ASB17: variants seen among roughly 807,000 people sequenced by gnomAD.
The protein encoded by ASB17 is ankyrin repeat and SOCS box containing 17, also known as ankyrin repeat and SOCS box protein 17.
Under a neutral mutation model 25.7 loss-of-function variants are expected in ASB17, and 26 were observed. The ratio of observed to expected loss-of-function variants is 1.01; its 90% CI spans 0.74 to 1.40. The LOEUF (loss-of-function observed/expected upper bound fraction) is 1.40, where lower values mean the gene tolerates loss of function less well. ASB17 is among the 40% of genes most tolerant of loss of function. The pLI, the probability that ASB17 is intolerant of heterozygous loss-of-function variation, is 0.00. For synonymous variants in ASB17, 128 were observed against 121.4 expected (o/e 1.05, Z -0.36); for missense variants, 326 against 338.5 (o/e 0.96, Z 0.29).
At chr1:75,921,932 C>T in intron 2 of ASB17, 148 bp downstream of exon 2, 4 of 642,482 alleles carry the variant, frequency 6.2e-6, no homozygotes, top group Non-Finnish European at 1.0e-5. Flanking sequence ...TGAGATTTTC[C>T]CTATTATTTT....
At position 75,919,201 on chromosome 1, in the gene ASB17, T is replaced by C. The variant is rs767007550; in HGVS notation, c.682-43A>G. ...ATTTTACTTTTGTAATGTTTTGTAA[T>C]TTGGATTAGTCCAAATTATTAAAAC... On this transcript the variant is annotated intron_variant, in intron 2 of 2. Transcript: ENST00000284142. The C allele has an allele frequency of 1.8e-5, 24 of 1,355,778 alleles. 1 individual carries two copies. In the South Asian group the frequency reaches 3.1e-4, roughly 17 times the overall value. The allele number at this position is 1,355,778 out of a possible 1,614,324, so 84.0% of individuals were successfully genotyped here. A position where few individuals can be genotyped will look rare whatever the true frequency, so the allele number is the denominator to read the frequency against.
rs114440481 is a variant in ASB17 at position 75,924,754 on chromosome 1, C to T, written c.402-2395G>A. On this transcript the variant is annotated intron_variant, in intron 1 of 2. Transcript: ENST00000284142. ...ATTGGTATGCAGTTTCCCAAACCAC[C>T]ACTGCATCCAGGTCTTTCACATTTC... is the stretch of plus-strand genomic sequence containing the variant. Among the ~76,000 whole-genome samples the T allele has an allele frequency of 1.5e-3, 234 of 152,038 alleles. 2 individuals are homozygous for T. Among genetic ancestry groups the T allele is most frequent in the South Asian group, 9.8e-3 (47 of 4,802 alleles).
intron 1 of ASB17, among the ~76,000 whole-genome samples, chr1:75,926,813 C>G (rs11161902): frequency 0.22 from 33,575 of 152,104 alleles, 4,358 homozygotes; most frequent in Middle Eastern, 0.35. Context: ...TTGCACATCT[C>G]TACCTCGATA....
intron 2 of ASB17, among the ~76,000 whole-genome samples, chr1:75,920,841 C>A (rs1323084326): frequency 4.6e-5 from 7 of 152,070 alleles, no homozygotes; most frequent in Non-Finnish European, 1.0e-4. Flanking sequence ...GTGGTGCGAT[C>A]TCTGCTCACT....
chr1:75,919,731 G>T (rs1348771457), intron 2 of ASB17, among the ~76,000 whole-genome samples: 1 of 152,046 alleles, frequency 6.6e-6, no homozygotes, highest in African/African-American at 2.4e-5. Flanking sequence ...CTTTTTTATG[G>T]CTGCATAGTA....
At chr1:75,920,503 C>G (rs1652997531) in intron 2 of ASB17, among the ~76,000 whole-genome samples, 2 of 152,154 alleles carry the variant, frequency 1.3e-5, no homozygotes, top group South Asian at 4.1e-4. Flanking sequence ...TTACAAGACT[C>G]ACGGTGTAGA....
intron 2 of ASB17, among the ~76,000 whole-genome samples, chr1:75,920,368 T>G (rs181257768): frequency 2.0e-5 from 3 of 152,350 alleles, no homozygotes; most frequent in Admixed American, 2.0e-4. Context: ...TACTATTGTT[T>G]ATCTATTACT....
At chr1:75,929,974 G>A (rs530974110) in intron 1 of ASB17, among the ~76,000 whole-genome samples, 2 of 148,166 alleles carry the variant, frequency 1.3e-5, no homozygotes, top group African/African-American at 2.5e-5. Flanking sequence ...TGGCAGAGAG[G>A]GGGGGTGAGT....
intron 1 of ASB17, among the ~76,000 whole-genome samples, chr1:75,929,012 G>A (rs1280137430): frequency 6.6e-6 from 1 of 152,126 alleles, no homozygotes; most frequent in East Asian, 1.9e-4. Context: ...CCTAGCTGAT[G>A]AGGAGGAAGG....
intron 1 of ASB17, among the ~76,000 whole-genome samples, chr1:75,922,904 A>C (rs2131557): frequency 0.67 from 102,593 of 152,100 alleles, 35,495 homozygotes; most frequent in East Asian, 0.97. Flanking sequence ...TAAAAATAAA[A>C]AAAAACAATT....
Position 75,930,367 on chromosome 1 carries a change from T to C in ASB17, c.401+1524A>G, listed in dbSNP as rs1256842038. ...ATATGTAAATATAAATATAAATATATATATATATATAACACTAGGAAAAAC... is the reference window on the plus strand; with the variant it reads ...ATATGTAAATATAAATATAAATATACATATATATATAACACTAGGAAAAAC... On this transcript the variant is annotated intron_variant, in intron 1 of 2. Transcript: ENST00000284142. 4.8e-5 allele frequency among the ~76,000 whole-genome samples: 7 copies of C among 147,332 alleles called. No homozygotes were observed. The East Asian group carries it at 1.4e-3, about 29-fold the overall frequency.
In ASB17 at chr1:75,922,195, G is replaced by A; in HGVS notation, c.566C>T (p.Pro189Leu). 1 of 1,613,654 alleles carries A rather than the reference G, an allele frequency of 6.2e-7. No homozygotes were observed. Among genetic ancestry groups the A allele is most frequent in the Non-Finnish European group, 8.5e-7 (1 of 1,179,682 alleles). ...ATCAACCATTACTCTTACTCTCGAA[G>A]GGTAGAGTACTATTGTTAAGACAAT... ...INIVLTIVLY[P>L]SRVRVMVDRE... The change falls in exon 2 of 3, where the codon CCT (proline) becomes CTT (leucine). Residue 189 changes from proline (P) to leucine (L), a missense_variant. Pro to Leu is a moderately conservative substitution (Grantham distance 98). Coordinates refer to ENST00000284142, the MANE Select transcript of ASB17 (RefSeq NM_080868.3).
Position 75,932,195 on chromosome 1 carries a change from G to C in ASB17, c.97C>G (p.Gln33Glu). The stretch of plus-strand genomic sequence containing the variant: ...TGATATCCCCACTGACCCAAAAACT[G>C]TAGGGAGGGTCTTTTAACAATTTTG... ...LDKIVKRPSL[Q>E]FLGQWGYHCY... The change falls in exon 1 of 3, where the codon CAG (glutamine) becomes GAG (glutamate). Residue 33 changes from glutamine to glutamate, a missense_variant. Coordinates refer to ENST00000284142, the MANE Select transcript of ASB17 (RefSeq NM_080868.3). 1 of 1,614,104 alleles carries C rather than the reference G, an allele frequency of 6.2e-7. No homozygotes were observed. Among genetic ancestry groups the C allele is most frequent in the Non-Finnish European group, 8.5e-7 (1 of 1,180,000 alleles).
chr1:75,931,790 A>G (rs1234418252), intron 1 of ASB17, 101 bp downstream of exon 1: 3 of 1,070,774 alleles, frequency 2.8e-6, no homozygotes, highest in Non-Finnish European at 3.9e-6. Flanking sequence ...TCCTTACTTC[A>G]CATATAGCCA....
At chr1:75,922,744 C>A (rs1653066680) in intron 1 of ASB17, among the ~76,000 whole-genome samples, 1 of 152,036 alleles carries the variant, frequency 6.6e-6, no homozygotes, top group African/African-American at 2.4e-5. Context: ...GACCTACCTG[C>A]CTCAGCCTCC....
intron 1 of ASB17, among the ~76,000 whole-genome samples, chr1:75,925,181 T>C (rs1023287873): frequency 6.6e-6 from 1 of 152,120 alleles, no homozygotes; most frequent in African/African-American, 2.4e-5. Context: ...TATGTCATAG[T>C]AAAAAATTCC....
At chr1:75,929,197 G>T (rs923532952) in intron 1 of ASB17, among the ~76,000 whole-genome samples, 78 of 151,442 alleles carry the variant, frequency 5.2e-4, no homozygotes, top group African/African-American at 1.8e-3. Context: ...TTCATGTAGG[G>T]TTTTTATTTT....
At chr1:75,921,214 AT>A (rs531430306) in intron 2 of ASB17, among the ~76,000 whole-genome samples, 131 of 146,904 alleles carry the variant, frequency 8.9e-4, no homozygotes, top group African/African-American at 2.9e-3. Context: ...CAAAAAAAAA[AT>A]TTGTTTTAAA....
chr1:75,921,486 G>A (rs1442161690), intron 2 of ASB17, among the ~76,000 whole-genome samples: 1 of 152,040 alleles, frequency 6.6e-6, no homozygotes, highest in East Asian at 1.9e-4. Flanking sequence ...ATTTGATGAT[G>A]ACACTTGCAG....
Sources: allele counts gnomAD v4.1 joint callset (sites outside exome capture counted in the v4.1 genomes callset), GRCh38; gene constraint gnomAD v4.1.1; transcripts MANE v1.5; gene names NCBI Gene and HGNC (gene_info 2026-07-23, HGNC 2026-07-21).